The following ERAP1 variants were observed in gnomAD, a reference collection of about 807,000 sequenced individuals.
The protein encoded by ERAP1 is endoplasmic reticulum aminopeptidase 1, also known as adipocyte-derived leucine aminopeptidase.
In ERAP1, 86 loss-of-function variants were observed where a neutral mutation model predicts 103.7. That is an observed-to-expected ratio of 0.83 (90% confidence interval 0.70 to 0.99). The LOEUF (loss-of-function observed/expected upper bound fraction) is 0.99, where lower values mean the gene tolerates loss of function less well. Among genes scored for constraint, ERAP1 ranks in the 50% least tolerant of loss-of-function variants. The probability of loss-of-function intolerance (pLI) is 0.00; values close to 1 mark genes in which losing one functional copy is unlikely to be tolerated. For missense variants in ERAP1, 1,009 were observed against 1,128.4 expected (o/e 0.89, Z 1.52); for synonymous variants, 398 against 402.4 (o/e 0.99, Z 0.13).
intron 13 of ERAP1, among the ~76,000 whole-genome samples, chr5:96,784,585 C>G (rs957978412): frequency 3.9e-5 from 5 of 129,318 alleles, no homozygotes; most frequent in African/African-American, 5.9e-5. Flanking sequence ...GGAAGTTTCT[C>G]AAACAGTAAC....
chr5:96,815,264 G>A, the ERAP1 span, among the ~76,000 whole-genome samples: 1 of 151,910 alleles, frequency 6.6e-6, no homozygotes, highest in African/African-American at 2.4e-5. Context: ...ATCTGTGTGA[G>A]TTTAGCATTC....
the ERAP1 span, among the ~76,000 whole-genome samples, chr5:96,892,086 A>G: frequency 2.0e-5 from 3 of 152,214 alleles, no homozygotes; most frequent in Non-Finnish European, 4.4e-5. Flanking sequence ...CTTCATCTAC[A>G]AAACTCTTTG....
chr5:96,889,282 T>C, the ERAP1 span: 1 of 1,614,042 alleles, frequency 6.2e-7, no homozygotes. Flanking sequence ...TACTTTGATA[T>C]CTACTATCCA....
At chr5:96,884,032 T>TTTTA in the ERAP1 span, 1 of 950,030 alleles carries the variant, frequency 1.1e-6, no homozygotes, top group Non-Finnish European at 1.5e-6. Context: ...ATTAATTTGT[T>TTTTA]TTTATCTATC....
chr5:96,802,332 C>T (rs1475928418), intron 2 of ERAP1, among the ~76,000 whole-genome samples: 3 of 151,850 alleles, frequency 2.0e-5, no homozygotes, highest in South Asian at 2.1e-4. Flanking sequence ...ATCTTCCCAA[C>T]ATATTAAGTT....
chr5:96,768,276 G>A, intron 19 of ERAP1: 1 of 424,252 alleles, frequency 2.4e-6, no homozygotes, highest in Non-Finnish European at 4.4e-6. Flanking sequence ...GTAGAGAGGG[G>A]GTTTCGCCAT....
At chr5:96,814,246 C>T in the ERAP1 span, 4 of 456,102 alleles carry the variant, frequency 8.8e-6, no homozygotes, top group African/African-American at 8.0e-5. Context: ...GGAGGCTGCT[C>T]TCAGATATGA....
chr5:96,878,334 C>T, the ERAP1 span, among the ~76,000 whole-genome samples: 4 of 152,100 alleles, frequency 2.6e-5, no homozygotes, highest in East Asian at 7.7e-4. Context: ...GCAACCTTTA[C>T]ACCAGTAGCC....
chr5:96,896,616 A>G, the ERAP1 span: 1 of 1,456,402 alleles, frequency 6.9e-7, no homozygotes, highest in Non-Finnish European at 9.2e-7. Flanking sequence ...TTCACTTTTT[A>G]TTTGTTCACT....
Position 96,786,508 on chromosome 5 carries a change from G to A in ERAP1, c.1721C>T (p.Ser574Phe), listed in dbSNP as rs1776019986. The change falls in exon 12 of 19, where the codon TCC becomes TTC. Residue 574 changes from serine to phenylalanine, a missense_variant. Physicochemically the swap from Ser to Phe is radical, Grantham distance 155. This residue lies in a region of ERAP1 where 611 missense variants were observed against 651.7 expected (regional missense o/e 0.94). Coordinates refer to ENST00000443439, the MANE Select transcript of ERAP1 (RefSeq NM_001040458.3). Reference sequence around the variant, plus strand: ...TAGCAAAAATCGATGGACCATGTCGGATTTGCTGGTGATGAATGTCAATGG... The same window carrying A: ...TAGCAAAAATCGATGGACCATGTCGAATTTGCTGGTGATGAATGTCAATGG... ...HVPLTFITSK[S>F]DMVHRFLLKT... The A allele has an allele frequency of 2.5e-6, 4 of 1,613,050 alleles. No homozygotes were observed. The highest frequency in any genetic ancestry group is 2.5e-6 in the Non-Finnish European group (3 of 1,179,458).
chr5:96,846,708 C>T, the ERAP1 span, among the ~76,000 whole-genome samples: 16 of 151,904 alleles, frequency 1.1e-4, no homozygotes, highest in South Asian at 1.2e-3. Context: ...TATCTCTTTC[C>T]CAACCCCCCT....
intron 18 of ERAP1, chr5:96,779,431 A>G (rs926231886): frequency 6.6e-6 from 1 of 152,220 alleles, no homozygotes; most frequent in Non-Finnish European, 1.5e-5. Flanking sequence ...TTGAATTATT[A>G]TATGCAAGTT....
At chr5:96,797,027 G>C (rs1189225632) in intron 4 of ERAP1, 148 bp downstream of exon 4, 1 of 868,388 alleles carries the variant, frequency 1.2e-6, no homozygotes, top group Non-Finnish European at 1.9e-6. Flanking sequence ...GGCCTCAAGT[G>C]ATTCTTCCAC....
the ERAP1 span, chr5:96,889,275 T>A: frequency 6.2e-7 from 1 of 1,613,856 alleles, no homozygotes; most frequent in African/African-American, 1.3e-5. Flanking sequence ...TGAAAAGTAC[T>A]TTGATATCTA....
intron 2 of ERAP1, among the ~76,000 whole-genome samples, chr5:96,802,990 C>T (rs1049639003): frequency 6.6e-6 from 1 of 151,934 alleles, no homozygotes; most frequent in East Asian, 1.9e-4. Flanking sequence ...GGAGGGAGCA[C>T]GGGCCTGCTG....
chr5:96,849,415 A>T, the ERAP1 span, among the ~76,000 whole-genome samples: 1 of 152,238 alleles, frequency 6.6e-6, no homozygotes, highest in Non-Finnish European at 1.5e-5. Flanking sequence ...CAAATTGAGT[A>T]AAGTAGCAGG....
chr5:96,883,107 C>G, the ERAP1 span, among the ~76,000 whole-genome samples: 18 of 152,154 alleles, frequency 1.2e-4, no homozygotes, highest in Non-Finnish European at 2.4e-4. Context: ...GTGCCACAGA[C>G]AGACCATTAG....
chr5:96,858,964 G>A, the ERAP1 span, among the ~76,000 whole-genome samples: 1 of 151,714 alleles, frequency 6.6e-6, no homozygotes, highest in African/African-American at 2.4e-5. Context: ...AAGAACCCTG[G>A]CTCTGAAGAT....
chr5:96,892,207 C>G, the ERAP1 span: 9 of 1,317,974 alleles, frequency 6.8e-6, no homozygotes, highest in East Asian at 1.9e-4. Flanking sequence ...CTTAAATATG[C>G]TTAAAGGATC....
Sources: allele counts gnomAD v4.1 joint callset (sites outside exome capture counted in the v4.1 genomes callset), GRCh38; gene constraint gnomAD v4.1.1; regional missense constraint gnomAD v4.1.1; transcripts MANE v1.5; gene names NCBI Gene and HGNC (gene_info 2026-07-23, HGNC 2026-07-21).